TRERF1: variants seen among roughly 807,000 people sequenced by gnomAD.
TRERF1 encodes transcriptional regulating factor 1.
A neutral mutation model predicts 122.9 loss-of-function variants in TRERF1; 27 were observed. That is an observed-to-expected ratio of 0.22 (90% CI 0.16 to 0.30). The LOEUF is 0.30. Among genes scored for constraint, TRERF1 ranks in the 10% least tolerant of loss-of-function variants. TRERF1 has a pLI of 1.00. For synonymous variants in TRERF1, 636 were observed against 641.7 expected (o/e 0.99, Z 0.13); for missense variants, 1,248 against 1,560.3 (o/e 0.80, Z 3.37).
At position 42,245,675 on chromosome 6, in the gene TRERF1, C is replaced by T. The variant is rs560577122; in HGVS notation, c.2745+781G>A. On this transcript the variant is annotated intron_variant, in intron 14 of 17. Transcript: ENST00000372922. ...TTATTTTGCTTTCGAATGCTGTATA[C>T]GCAAGGTATTTTTATTATTACTGTC... Among the ~76,000 whole-genome samples the T allele has an allele frequency of 4.6e-5, 7 of 152,288 alleles. No individual in the cohort carries two copies. The East Asian group carries it at 5.8e-4, about 13-fold the overall frequency.
chr6:42,322,232 G>C (rs1763575144), intron 3 of TRERF1, among the ~76,000 whole-genome samples: 2 of 151,836 alleles, frequency 1.3e-5, no homozygotes, highest in South Asian at 2.1e-4. Flanking sequence ...GAGAGGTAGA[G>C]GGATGGTATA....
At chr6:42,437,649 C>A (rs553391145) in intron 2 of TRERF1, among the ~76,000 whole-genome samples, 2 of 151,968 alleles carry the variant, frequency 1.3e-5, no homozygotes, top group African/African-American at 4.8e-5. Flanking sequence ...TCTGGTAAGG[C>A]GAAATGGGAG....
At chr6:42,432,176 A>G (rs1784593334) in intron 2 of TRERF1, among the ~76,000 whole-genome samples, 1 of 152,212 alleles carries the variant, frequency 6.6e-6, no homozygotes, top group Non-Finnish European at 1.5e-5. Flanking sequence ...TAAAGTCAGT[A>G]TTATACAGCA....
At chr6:42,394,817 GA>G (rs1481813945) in intron 2 of TRERF1, among the ~76,000 whole-genome samples, 2 of 152,022 alleles carry the variant, frequency 1.3e-5, no homozygotes, top group Non-Finnish European at 2.9e-5. Context: ...AAAGGAGGGG[GA>G]AACCTCAGCT....
At chr6:42,447,753 G>A (rs1181411101) in intron 2 of TRERF1, among the ~76,000 whole-genome samples, 1 of 152,096 alleles carries the variant, frequency 6.6e-6, no homozygotes, top group Non-Finnish European at 1.5e-5. Context: ...CACCCAGGCT[G>A]GAGTGCAATG....
At chr6:42,405,805 A>T (rs1462597388) in intron 2 of TRERF1, among the ~76,000 whole-genome samples, 2 of 151,106 alleles carry the variant, frequency 1.3e-5, no homozygotes, top group Non-Finnish European at 2.9e-5. Flanking sequence ...AAAAAAAAAA[A>T]AATTAAAAAA....
At chr6:42,376,807 C>T (rs1774970296) in intron 2 of TRERF1, among the ~76,000 whole-genome samples, 1 of 151,898 alleles carries the variant, frequency 6.6e-6, no homozygotes, top group Non-Finnish European at 1.5e-5. Flanking sequence ...TCCCAAAGTG[C>T]TGGGATTACA....
intron 17 of TRERF1, among the ~76,000 whole-genome samples, chr6:42,230,344 A>T (rs559936369): frequency 6.1e-4 from 93 of 151,928 alleles, no homozygotes; most frequent in African/African-American, 1.8e-3. Context: ...AAAGTTTCCA[A>T]GCAACGTAAG....
chr6:42,319,997 G>A (rs566932464), intron 3 of TRERF1, among the ~76,000 whole-genome samples: 43 of 151,796 alleles, frequency 2.8e-4, no homozygotes, highest in African/African-American at 1.0e-3. Flanking sequence ...TGCCTCCTGG[G>A]TTCAAGCAAT....
At chr6:42,417,594 G>A (rs571665206) in intron 2 of TRERF1, among the ~76,000 whole-genome samples, 1 of 152,290 alleles carries the variant, frequency 6.6e-6, no homozygotes, top group East Asian at 1.9e-4. Flanking sequence ...ACGACTGGCC[G>A]GCCAGGAAAC....
rs78831268 is a variant in TRERF1 at position 42,295,367 on chromosome 6, T to C, written c.-259+5271A>G. Among the ~76,000 whole-genome samples the C allele has an allele frequency of 2.4e-3, 359 of 152,320 alleles. 1 individual carries two copies. The highest frequency in any genetic ancestry group is 8.3e-3 in the African/African-American group (346 of 41,564). ...TGTGGAAACCCATTCAAGACCTCCA[T>C]GTTCATCAGCTATGAGTGGTCAAAC... On this transcript the variant is annotated intron_variant, in intron 4 of 17. Coordinates refer to ENST00000372922, the Ensembl canonical transcript of TRERF1.
intron 2 of TRERF1, among the ~76,000 whole-genome samples, chr6:42,416,469 A>G (rs1781853401): frequency 6.6e-6 from 1 of 152,196 alleles, no homozygotes; most frequent in Non-Finnish European, 1.5e-5. Context: ...TTTTCTCCTT[A>G]GATCCTTTAA....
chr6:42,330,431 A>G lies in TRERF1; in HGVS notation c.-370-29682T>C, dbSNP rs114230532. Among the ~76,000 whole-genome samples, 794 of 152,344 alleles carry G rather than the reference A, an allele frequency of 5.2e-3. 6 individuals carry two copies. Among genetic ancestry groups the G allele is most frequent in the African/African-American group, 0.017 (726 of 41,574 alleles). On this transcript the variant is annotated intron_variant, in intron 3 of 17. Transcript: ENST00000372922. The stretch of plus-strand genomic sequence containing the variant: ...CAAGTCTACAGAATATTCATGTTAT[A>G]TACACAAAAACATAGGTTCAAAGAT...
intron 3 of TRERF1, among the ~76,000 whole-genome samples, chr6:42,338,405 C>A (rs564093503): frequency 1.3e-5 from 2 of 152,198 alleles, no homozygotes; most frequent in Admixed American, 1.3e-4. Flanking sequence ...CCCGCACACA[C>A]GCATGTGCAC....
At chr6:42,292,811 C>T (rs4714591) in intron 4 of TRERF1, among the ~76,000 whole-genome samples, 55,193 of 151,974 alleles carry the variant, frequency 0.36, 10,135 homozygotes, top group East Asian at 0.44. Context: ...GGTATCACCA[C>T]CTAAAAAAGT....
At chr6:42,379,761 G>C (rs890538353) in intron 2 of TRERF1, among the ~76,000 whole-genome samples, 1 of 152,120 alleles carries the variant, frequency 6.6e-6, no homozygotes, top group Non-Finnish European at 1.5e-5. Context: ...GAAATCCTGA[G>C]CCCAAGCGAT....
intron 2 of TRERF1, among the ~76,000 whole-genome samples, chr6:42,441,554 A>G (rs1294419646): frequency 1.3e-5 from 2 of 152,136 alleles, no homozygotes; most frequent in Non-Finnish European, 2.9e-5. Context: ...GGGGAAGAAA[A>G]TATTTCTCAG....
intron 3 of TRERF1, among the ~76,000 whole-genome samples, chr6:42,329,664 C>G (rs1444210087): frequency 6.6e-6 from 1 of 152,068 alleles, no homozygotes; most frequent in Admixed American, 6.6e-5. Context: ...GCACACTACA[C>G]AGGAAAAAGA....
intron 3 of TRERF1, among the ~76,000 whole-genome samples, chr6:42,338,726 T>G (rs1048854449): frequency 1.3e-5 from 2 of 152,100 alleles, no homozygotes; most frequent in African/African-American, 4.8e-5. Flanking sequence ...ATCCAGATCT[T>G]GGTAGTAATC....
Sources: allele counts gnomAD v4.1 joint callset (sites outside exome capture counted in the v4.1 genomes callset), GRCh38; gene constraint gnomAD v4.1.1; transcripts MANE v1.5; gene names NCBI Gene and HGNC (gene_info 2026-07-23, HGNC 2026-07-21).